ACACB: variants seen among roughly 807,000 people sequenced by gnomAD.
ACACB encodes acetyl-CoA carboxylase beta.
ACACB carries 209 observed loss-of-function variants against 278.8 expected under a neutral mutation model. The ratio of observed to expected loss-of-function variants is 0.75; its 90% confidence interval spans 0.67 to 0.84. The LOEUF is 0.84. Ranked by LOEUF, ACACB falls within the 40% of genes least tolerant of loss-of-function variation. The pLI is 0.00. For synonymous variants in ACACB, 1,174 were observed against 1,285.6 expected (o/e 0.91, Z 1.86); for missense variants, 2,850 against 3,269.0 (o/e 0.87, Z 3.13).
chr12:109,255,170 A>G (rs1248196437), intron 44 of ACACB, among the ~76,000 whole-genome samples: 2 of 152,110 alleles, frequency 1.3e-5, no homozygotes, highest in Non-Finnish European at 2.9e-5. Flanking sequence ...TTGCACACAC[A>G]CATTCTCTCT....
chr12:109,263,817 G>A (rs1565986601), intron 49 of ACACB: 1 of 156,238 alleles, frequency 6.4e-6, no homozygotes, highest in Non-Finnish European at 1.4e-5. Context: ...GCATAGAGTT[G>A]CTTATAATAT....
At chr12:109,166,666 A>AAAAAAAAC (rs2043911193) in intron 2 of ACACB, among the ~76,000 whole-genome samples, 195 bp from the exon 3 acceptor site, 1 of 144,262 alleles carries the variant, frequency 6.9e-6, no homozygotes, top group Non-Finnish European at 1.5e-5. Flanking sequence ...AAAAAAAAAA[A>AAAAAAAAC]AAAAAAAAAA....
chr12:109,212,831 T>C lies in ACACB; in HGVS notation c.3250-5T>C. On this transcript the variant is annotated splice_polypyrimidine_tract_variant and splice_region_variant and intron_variant, in intron 21 of 52. Coordinates refer to ENST00000338432, the MANE Select transcript of ACACB (RefSeq NM_001093.4). ...CAGTCAGACCTGTCTTGTTTTCCCA[T>C]CCAGATAGCCACCATCCTGGACTGC... The C allele has an allele frequency of 6.2e-7, 1 of 1,613,452 alleles. No homozygotes were observed. Among genetic ancestry groups the C allele is most frequent in the East Asian group, 2.2e-5 (1 of 44,862 alleles).
chr12:109,140,136 C>T, intron 2 of ACACB, 78 bp downstream of exon 2: 7 of 1,435,368 alleles, frequency 4.9e-6, no homozygotes, highest in Non-Finnish European at 6.4e-6. Flanking sequence ...CTGTGCCCAC[C>T]TTGATCAAGC....
chr12:109,233,442 A>C (rs2046537393), intron 29 of ACACB, among the ~76,000 whole-genome samples: 1 of 152,202 alleles, frequency 6.6e-6, no homozygotes, highest in Non-Finnish European at 1.5e-5. Context: ...TCTCCCAGCC[A>C]GTAAAAATGG....
chr12:109,139,182 TC>T (rs1463401813), intron 1 of ACACB, among the ~76,000 whole-genome samples: 1 of 152,130 alleles, frequency 6.6e-6, no homozygotes, highest in Non-Finnish European at 1.5e-5. Flanking sequence ...TCAAGGTTCT[TC>T]CTTGAACCTT....
chr12:109,176,416 C>T (rs2044285507), intron 9 of ACACB, among the ~76,000 whole-genome samples, 153 bp downstream of exon 9: 1 of 152,182 alleles, frequency 6.6e-6, no homozygotes, highest in Non-Finnish European at 1.5e-5. Context: ...CAAACGCGTA[C>T]ATTTTTACTC....
rs780843027 is a variant in ACACB, at chr12:109,179,887, C to A, written c.1648-30C>A. On this transcript the variant is annotated intron_variant, in intron 10 of 52. Transcript: ENST00000338432. ...CAGTTCCCTGAAAAGACCTCTGGAA[C>A]CCCCTTGGCCTCTTTCTGTTTCTTC... The A allele has an allele frequency of 1.1e-5, 17 of 1,582,434 alleles. No homozygotes were observed. The African/African-American group carries it at 2.0e-4, about 19-fold the overall frequency.
At chr12:109,157,993 T>C (rs1381732427) in intron 2 of ACACB, among the ~76,000 whole-genome samples, 1 of 152,212 alleles carries the variant, frequency 6.6e-6, no homozygotes, top group East Asian at 1.9e-4. Flanking sequence ...GTTTTCACTC[T>C]TGGCTACACA....
chr12:109,261,500 T>C (rs755302236), intron 48 of ACACB, among the ~76,000 whole-genome samples: 9 of 152,134 alleles, frequency 5.9e-5, no homozygotes, highest in Non-Finnish European at 1.2e-4. Context: ...AGCTCAGAGC[T>C]ACTGATAGCA....
chr12:109,156,369 TA>T (rs201093945), intron 2 of ACACB, among the ~76,000 whole-genome samples: 2 of 151,418 alleles, frequency 1.3e-5, no homozygotes, highest in East Asian at 1.9e-4. Context: ...CATCTCTACT[TA>T]AAAAAAAATT....
intron 36 of ACACB, chr12:109,242,140 C>T: frequency 3.0e-6 from 1 of 330,104 alleles, no homozygotes; most frequent in Non-Finnish European, 5.6e-6. Flanking sequence ...TTCGCACCAA[C>T]ACTGACCACG....
At position 109,161,931 on chromosome 12, in the gene ACACB, G is replaced by C. The variant is rs185352653; in HGVS notation, c.654-4930G>C. Among the ~76,000 whole-genome samples, 7 of 150,982 alleles carry C rather than the reference G, an allele frequency of 4.6e-5. No individual in the cohort carries two copies. In the East Asian group the frequency reaches 9.7e-4, roughly 21 times the overall value. On this transcript the variant is annotated intron_variant, in intron 2 of 52. Transcript: ENST00000338432. Reference sequence around the variant, plus strand: ...CCAGATCAGGGGTCTGTCTACAAATGATGTCCCTTGGGTTGCATCTACCTT... The same window carrying C: ...CCAGATCAGGGGTCTGTCTACAAATCATGTCCCTTGGGTTGCATCTACCTT...
chr12:109,256,578 C>T (rs951239780), intron 45 of ACACB, among the ~76,000 whole-genome samples: 1 of 152,198 alleles, frequency 6.6e-6, no homozygotes, highest in African/African-American at 2.4e-5. Context: ...TGGACAGGAG[C>T]CCTGTTGTAT....
chr12:109,145,283 C>A (rs2043215189), intron 2 of ACACB, among the ~76,000 whole-genome samples: 1 of 152,150 alleles, frequency 6.6e-6, no homozygotes, highest in African/African-American at 2.4e-5. Flanking sequence ...AGCTCAAAAT[C>A]ATGGCCTCCC....
chr12:109,185,045 T>C (rs576908221), intron 11 of ACACB, among the ~76,000 whole-genome samples: 173 of 152,304 alleles, frequency 1.1e-3, no homozygotes, highest in African/African-American at 3.7e-3. Context: ...ATTGGATTTC[T>C]CTGATTGTTT....
chr12:109,134,803 G>A (rs1454422807), intron 1 of ACACB, among the ~76,000 whole-genome samples: 1 of 152,160 alleles, frequency 6.6e-6, no homozygotes, highest in Non-Finnish European at 1.5e-5. Flanking sequence ...CCCAGCTGAT[G>A]GAGGTAGATG....
Position 109,152,640 on chromosome 12 carries a change from C to CTTTT in ACACB, c.653+12604_653+12607dup, listed in dbSNP as rs34863094. Reference sequence around the variant, plus strand: ...GCCTGTGCCTTTTCTTTCTTTCTTTCTTTTTTTTTTTTTTTTTTTTTTTTT... The same window carrying CTTTT: ...GCCTGTGCCTTTTCTTTCTTTCTTTCTTTTTTTTTTTTTTTTTTTTTTTTTTTTT... On this transcript the variant is annotated intron_variant, in intron 2 of 52. Transcript: ENST00000338432. 7.7e-3 allele frequency among the ~76,000 whole-genome samples: 576 copies of CTTTT among 74,796 alleles called. 5 individuals are homozygous for CTTTT. The highest frequency in any genetic ancestry group is 8.5e-3 in the Non-Finnish European group (335 of 39,544). The allele number at this position is 74,796 out of a possible 152,430, so 49.1% of individuals were successfully genotyped here.
At chr12:109,189,532 A>T (rs909804831) in intron 13 of ACACB, among the ~76,000 whole-genome samples, 1 of 152,170 alleles carries the variant, frequency 6.6e-6, no homozygotes. Flanking sequence ...GTGAGAGTCC[A>T]GTAGGGGGAT....
Sources: gnomAD v4.1 joint callset for allele counts (sites outside exome capture counted in the v4.1 genomes callset) on GRCh38, gnomAD v4.1.1 for gene constraint, MANE v1.5 for transcripts, NCBI Gene and HGNC (gene_info 2026-07-23, HGNC 2026-07-21) for gene names.